TAFA2: variants seen among roughly 807,000 people sequenced by gnomAD.
TAFA2 encodes TAFA chemokine like family member 2.
A neutral mutation model predicts 18.8 loss-of-function variants in TAFA2; 7 were observed. The observed-to-expected ratio is 0.37, with a 90% CI of 0.21 to 0.70. TAFA2 has a LOEUF of 0.70. Ranked by LOEUF, TAFA2 falls within the 30% of genes least tolerant of loss-of-function variation. The pLI is 0.53. For synonymous variants in TAFA2, 60 were observed against 54.2 expected (o/e 1.11, Z -0.47); for missense variants, 122 against 158.1 (o/e 0.77, Z 1.23).
intron 1 of TAFA2, among the ~76,000 whole-genome samples, chr12:61,895,167 G>T (rs1875789227): frequency 6.6e-6 from 1 of 152,244 alleles, no homozygotes; most frequent in Middle Eastern, 3.4e-3. Flanking sequence ...ATGTATGGAT[G>T]TCCAGAAGGA....
At chr12:62,188,476 G>A (rs113543582) in intron 1 of TAFA2, among the ~76,000 whole-genome samples, 1,863 of 152,246 alleles carry the variant, frequency 0.012, 14 homozygotes, top group South Asian at 0.033. Context: ...TAGAGAGTTC[G>A]TCAGTAAATG....
At chr12:61,977,304 A>G (rs1879473703) in intron 1 of TAFA2, among the ~76,000 whole-genome samples, 2 of 152,054 alleles carry the variant, frequency 1.3e-5, no homozygotes, top group African/African-American at 4.8e-5. Context: ...AAATTTTAAA[A>G]TGGTTCCAAA....
chr12:62,214,089 C>T (rs888833569), intron 1 of TAFA2, among the ~76,000 whole-genome samples: 1 of 152,126 alleles, frequency 6.6e-6, no homozygotes, highest in Non-Finnish European at 1.5e-5. Context: ...TTAAGATGCA[C>T]CAGGTTAAGA....
intron 1 of TAFA2, among the ~76,000 whole-genome samples, chr12:61,977,505 G>A (rs1879480125): frequency 6.6e-6 from 1 of 151,984 alleles, no homozygotes; most frequent in East Asian, 1.9e-4. Flanking sequence ...CCATTGCTAA[G>A]CCCAGACAAT....
chr12:62,056,958 A>T (rs1565730199), intron 1 of TAFA2, among the ~76,000 whole-genome samples: 2 of 152,210 alleles, frequency 1.3e-5, no homozygotes. Context: ...AAAGGCCTGT[A>T]GTTTTTAGTC....
intron 2 of TAFA2, among the ~76,000 whole-genome samples, chr12:61,829,791 A>G (rs192016863): frequency 2.0e-5 from 3 of 151,870 alleles, no homozygotes; most frequent in Non-Finnish European, 4.4e-5. Context: ...AGCATTGATA[A>G]GATTTAAAAA....
chr12:61,912,696 G>A (rs1876659297), intron 1 of TAFA2, among the ~76,000 whole-genome samples: 1 of 152,094 alleles, frequency 6.6e-6, no homozygotes, highest in Non-Finnish European at 1.5e-5. Context: ...ATCCAAAAGT[G>A]GAAACACACT....
intron 2 of TAFA2, among the ~76,000 whole-genome samples, chr12:61,819,317 G>A (rs1872225376): frequency 6.6e-6 from 1 of 152,188 alleles, no homozygotes; most frequent in Admixed American, 6.5e-5. Context: ...TTCAAAGAAT[G>A]TATTTTTAAT....
intron 4 of TAFA2, among the ~76,000 whole-genome samples, chr12:61,727,430 T>G (rs940892089): frequency 2.6e-5 from 4 of 151,984 alleles, no homozygotes; most frequent in African/African-American, 9.7e-5. Context: ...TTCTATTTCT[T>G]TCTGGCTTAA....
chr12:62,058,135 A>T, intron 1 of TAFA2, among the ~76,000 whole-genome samples: 1 of 152,132 alleles, frequency 6.6e-6, no homozygotes, highest in Non-Finnish European at 1.5e-5. Flanking sequence ...CCTGGTTTCC[A>T]TTCTTGCTAT....
chr12:62,128,624 C>A (rs1870560361), intron 1 of TAFA2, among the ~76,000 whole-genome samples: 3 of 152,030 alleles, frequency 2.0e-5, no homozygotes, highest in Admixed American at 2.0e-4. Flanking sequence ...CTTCCCTGTC[C>A]CTGACATCTC....
chr12:62,082,356 T>A (rs945203123), intron 1 of TAFA2, among the ~76,000 whole-genome samples: 1 of 152,206 alleles, frequency 6.6e-6, no homozygotes, highest in African/African-American at 2.4e-5. Flanking sequence ...CTAGGTTTTT[T>A]CTAATGTGGC....
rs377317284 is a variant in TAFA2, at chr12:62,055,945, C to T, written c.-2+135314G>A. 5.9e-5 allele frequency among the ~76,000 whole-genome samples: 9 copies of T among 152,278 alleles called. No individual in the cohort carries two copies. The East Asian group carries it at 1.2e-3, about 20-fold the overall frequency. On this transcript the variant is annotated intron_variant, in intron 1 of 4. Coordinates refer to ENST00000416284, the MANE Select transcript of TAFA2 (RefSeq NM_178539.5). ...TGAAAGTCAATAGAGAGCTATCATA[C>T]ATAAATGTAAGTATAAAACTAAAAT...
chr12:61,847,306 C>T (rs1294664033), intron 2 of TAFA2, among the ~76,000 whole-genome samples: 1 of 152,140 alleles, frequency 6.6e-6, no homozygotes, highest in Non-Finnish European at 1.5e-5. Context: ...AGTTCCTTGA[C>T]AGCATAATAA....
chr12:61,786,019 C>T (rs139185635), intron 2 of TAFA2, among the ~76,000 whole-genome samples: 77 of 151,460 alleles, frequency 5.1e-4, no homozygotes, highest in East Asian at 2.0e-3. Context: ...TTACTGGAGA[C>T]GAGAAGCTGC....
At chr12:62,241,913 A>C (rs1032683907) in intron 1 of TAFA2, among the ~76,000 whole-genome samples, 2 of 152,216 alleles carry the variant, frequency 1.3e-5, no homozygotes, top group Admixed American at 1.3e-4. Flanking sequence ...GCTTTAAGTG[A>C]GGTAAAAAAA....
Position 62,087,831 on chromosome 12 carries a change from G to A in TAFA2, c.-2+103428C>T, listed in dbSNP as rs139009383. 1.8e-3 allele frequency among the ~76,000 whole-genome samples: 281 copies of A among 152,202 alleles called. 2 individuals carry two copies. Among genetic ancestry groups the A allele is most frequent in the African/African-American group, 6.4e-3 (265 of 41,548 alleles). On this transcript the variant is annotated intron_variant, in intron 1 of 4. Coordinates refer to ENST00000416284, the MANE Select transcript of TAFA2 (RefSeq NM_178539.5). ...CCATTAGGAGTTGTTCTAACAGTAG[G>A]GACGGTGGTGGCTTGGAATAGATGA...
At chr12:62,256,852 TC>T (rs1241684597) in intron 1 of TAFA2, among the ~76,000 whole-genome samples, 1 of 152,136 alleles carries the variant, frequency 6.6e-6, no homozygotes, top group East Asian at 1.9e-4. Flanking sequence ...TTTGCACTAC[TC>T]CCCCGCCTTT....
Position 62,057,815 on chromosome 12 carries a change from A to T in TAFA2, c.-2+133444T>A, listed in dbSNP as rs955586667. Reference sequence around the variant, plus strand: ...TTCTATCATTTTAACCACACTAATTAGACATTGTTTTTATTGATTCATGTG... The same window carrying T: ...TTCTATCATTTTAACCACACTAATTTGACATTGTTTTTATTGATTCATGTG... On this transcript the variant is annotated intron_variant, in intron 1 of 4. Coordinates refer to ENST00000416284, the MANE Select transcript of TAFA2 (RefSeq NM_178539.5). 3.4e-5 allele frequency among the ~76,000 whole-genome samples: 5 copies of T among 146,980 alleles called. No homozygotes were observed. The Admixed American group carries it at 3.5e-4, about 10-fold the overall frequency.
Sources: allele counts gnomAD v4.1 joint callset (sites outside exome capture counted in the v4.1 genomes callset), GRCh38; gene constraint gnomAD v4.1.1; transcripts MANE v1.5; gene names NCBI Gene and HGNC (gene_info 2026-07-23, HGNC 2026-07-21).